BRF1: variants seen among roughly 807,000 people sequenced by gnomAD.
BRF1 encodes the protein transcription factor IIIB 90 kDa subunit.
In BRF1, 59 loss-of-function variants were observed where a neutral mutation model predicts 81.7. The ratio of observed to expected loss-of-function variants is 0.72; its 90% CI spans 0.59 to 0.90. The LOEUF (loss-of-function observed/expected upper bound fraction) is 0.90. Ranked by LOEUF, BRF1 falls within the 40% of genes least tolerant of loss-of-function variation. The pLI is 0.00. For missense variants in BRF1, 1,050 were observed against 936.3 expected (o/e 1.12, Z -1.58); for synonymous variants, 491 against 395.6 (o/e 1.24, Z -2.86).
At chr14:105,254,491 T>C (rs2055770134) in intron 4 of BRF1, among the ~76,000 whole-genome samples, 2 of 152,098 alleles carry the variant, frequency 1.3e-5, no homozygotes, top group African/African-American at 4.8e-5. Flanking sequence ...TCTCCAGACC[T>C]CCTGATCTGC....
chr14:105,306,275 T>C (rs1313934624), intron 1 of BRF1, among the ~76,000 whole-genome samples: 1 of 151,286 alleles, frequency 6.6e-6, no homozygotes, highest in East Asian at 1.9e-4. Context: ...TCATGGTGTC[T>C]TTTGTTTTTG....
At chr14:105,307,374 T>C (rs2058221029) in intron 1 of BRF1, among the ~76,000 whole-genome samples, 2 of 152,082 alleles carry the variant, frequency 1.3e-5, no homozygotes, top group South Asian at 4.1e-4. Flanking sequence ...AATGACCCAG[T>C]TCTAATTCTG....
chr14:105,307,795 TAGAC>T (rs1475071274), intron 1 of BRF1, among the ~76,000 whole-genome samples: 2 of 152,222 alleles, frequency 1.3e-5, no homozygotes, highest in Non-Finnish European at 1.5e-5. Context: ...ATGTGTCTGG[TAGAC>T]AGACTGCTCA....
intron 5 of BRF1, chr14:105,248,796 C>T: frequency 3.1e-6 from 3 of 983,260 alleles, no homozygotes; most frequent in Non-Finnish European, 3.6e-6. Context: ...GCTCCCGAGG[C>T]CCCGGCGCGG....
At chr14:105,241,594 G>A (rs8016364) in intron 5 of BRF1, 180 bp from the exon 6 acceptor site, 11,862 of 786,846 alleles carry the variant, frequency 0.015, 109 homozygotes, top group African/African-American at 0.024. Flanking sequence ...CCATCGCACC[G>A]AACCCAGGAG....
chr14:105,248,967 A>C, intron 5 of BRF1: 2 of 974,950 alleles, frequency 2.1e-6, no homozygotes, highest in Non-Finnish European at 2.4e-6. Flanking sequence ...CGGGCCGCGC[A>C]GCCCGCCCAG....
At chr14:105,280,568 T>C (rs587696157) in intron 2 of BRF1, among the ~76,000 whole-genome samples, 2 of 152,158 alleles carry the variant, frequency 1.3e-5, no homozygotes, top group South Asian at 2.1e-4. Flanking sequence ...TGAATGATCC[T>C]GAGCCCGCGT....
intron 3 of BRF1, 35 bp from the exon 4 acceptor site, chr14:105,256,584 G>A (rs935180239): frequency 1.4e-5 from 23 of 1,608,318 alleles, no homozygotes; most frequent in Non-Finnish European, 1.9e-5. Context: ...TCGAGTGGCT[G>A]CAAGCTCAGG....
At chr14:105,229,465 G>C (rs2054362253) in intron 6 of BRF1, among the ~76,000 whole-genome samples, 1 of 152,236 alleles carries the variant, frequency 6.6e-6, no homozygotes, top group Non-Finnish European at 1.5e-5. Context: ...ACGAGGGTAA[G>C]GGCCCGGATG....
intron 15 of BRF1, chr14:105,217,309 A>AC: frequency 1.6e-6 from 1 of 630,836 alleles, no homozygotes; most frequent in East Asian, 2.8e-5. Flanking sequence ...AGGCTGCAGG[A>AC]CCCCCCTGAC....
At chr14:105,304,818 C>T (rs1429219714), upstream of BRF1, among the ~76,000 whole-genome samples, 1 of 152,226 alleles carries the variant, frequency 6.6e-6, no homozygotes, top group African/African-American at 2.4e-5. Context: ...TGCAGGGAAA[C>T]TCCCTCTTAT....
At chr14:105,270,724 G>C (rs1299498463) in intron 3 of BRF1, among the ~76,000 whole-genome samples, 1 of 151,868 alleles carries the variant, frequency 6.6e-6, no homozygotes, top group Non-Finnish European at 1.5e-5. Context: ...CTGGGAGGCA[G>C]AGGTTGCAGT....
intron 5 of BRF1, chr14:105,247,180 T>C (rs1595371904): frequency 1.0e-6 from 1 of 985,442 alleles, no homozygotes; most frequent in Non-Finnish European, 1.2e-6. Context: ...CCTCGGTGGG[T>C]GTGTCCTTGG....
chr14:105,288,030 C>T (rs758258791), intron 1 of BRF1, among the ~76,000 whole-genome samples: 1 of 152,210 alleles, frequency 6.6e-6, no homozygotes, highest in Admixed American at 6.5e-5. Context: ...GCACTGAGCA[C>T]AGGCCTCCAA....
At chr14:105,267,682 C>A (rs1056878145) in intron 3 of BRF1, among the ~76,000 whole-genome samples, 2 of 152,164 alleles carry the variant, frequency 1.3e-5, no homozygotes, top group Non-Finnish European at 1.5e-5. Context: ...ATCCTAATAC[C>A]TTCTTCTGAC....
At chr14:105,273,033 G>T in intron 2 of BRF1, 139 bp from the exon 3 acceptor site, 1 of 969,340 alleles carries the variant, frequency 1.0e-6, no homozygotes, top group Non-Finnish European at 1.5e-6. Context: ...TTATATGTGG[G>T]TTCCAATCAC....
chr14:105,292,852 TCC>T (rs952285936), intron 1 of BRF1, among the ~76,000 whole-genome samples: 6 of 151,300 alleles, frequency 4.0e-5, no homozygotes, highest in Admixed American at 2.0e-4. Flanking sequence ...CCACACCCCT[TCC>T]CCAGGCCCAC....
intron 2 of BRF1, among the ~76,000 whole-genome samples, chr14:105,281,967 C>T (rs974699755): frequency 3.3e-5 from 5 of 152,086 alleles, no homozygotes; most frequent in African/African-American, 9.7e-5. Flanking sequence ...CCCTGAGAAA[C>T]GCGTCCCAAA....
chr14:105,211,999 C>T, intron 16 of BRF1, 114 bp downstream of exon 16: 1 of 1,450,534 alleles, frequency 6.9e-7, no homozygotes, highest in Non-Finnish European at 9.4e-7. Flanking sequence ...GCAGCAGGGG[C>T]AGGCGCCTCT....
Sources: gnomAD v4.1 joint callset for allele counts (sites outside exome capture counted in the v4.1 genomes callset) on GRCh38, gnomAD v4.1.1 for gene constraint, MANE v1.5 for transcripts, NCBI Gene and HGNC (gene_info 2026-07-23, HGNC 2026-07-21) for gene names.